Variants in KPNA3 observed in about 807,000 individuals in gnomAD.
The protein encoded by KPNA3 is karyopherin subunit alpha 3.
Under a neutral mutation model 73.8 loss-of-function variants are expected in KPNA3, and 13 were observed. The observed-to-expected ratio is 0.18, with a 90% CI of 0.11 to 0.28. The LOEUF is 0.28. Ranked by LOEUF, KPNA3 falls within the 10% of genes least tolerant of loss-of-function variation. The pLI is 1.00. For missense variants in KPNA3, 360 were observed against 618.1 expected, an observed-to-expected ratio of 0.58 and a Z score of 4.43; for synonymous variants, 186 against 206.9, an observed-to-expected ratio of 0.90 and a Z score of 0.87.
intron 1 of KPNA3, among the ~76,000 whole-genome samples, chr13:49,758,347 G>A (rs373843451): frequency 1.3e-5 from 2 of 152,156 alleles, no homozygotes; most frequent in East Asian, 1.9e-4. Context: ...GAACCTAAAC[G>A]TGTATCCATT....
At chr13:49,723,022 C>A (rs1223637113) in intron 7 of KPNA3, among the ~76,000 whole-genome samples, 1 of 151,812 alleles carries the variant, frequency 6.6e-6, no homozygotes, top group East Asian at 1.9e-4. Context: ...ATACATTATA[C>A]CCATTTCCAG....
chr13:49,752,660 C>T (rs185038614), intron 1 of KPNA3, among the ~76,000 whole-genome samples: 5 of 151,962 alleles, frequency 3.3e-5, no homozygotes, highest in African/African-American at 1.2e-4. Flanking sequence ...ATCTTAAGAG[C>T]CAGTAAACAA....
At position 49,699,884 on chromosome 13, in the gene KPNA3, C is replaced by T. The variant is rs1173529448; in HGVS notation, c.*1916G>A. 1 of 152,458 alleles carries T rather than the reference C, an allele frequency of 6.6e-6. No homozygotes were observed. Among genetic ancestry groups the T allele is most frequent in the African/African-American group, 2.4e-5 (1 of 41,396 alleles). 9.4% of individuals were successfully genotyped at this position (152,458 alleles called of 1,614,324 possible). ...CACCACACAGTTTCAAAAATTTAGA[C>T]TATAGTGTCCGAACAGGATGCAGTT... On this transcript the variant is annotated 3_prime_UTR_variant, in exon 17 of 17. Transcript: ENST00000261667.
At chr13:49,734,419 C>A (rs368977993) in intron 2 of KPNA3, among the ~76,000 whole-genome samples, 1 of 152,126 alleles carries the variant, frequency 6.6e-6, no homozygotes, top group East Asian at 1.9e-4. Context: ...CTGCTTTATA[C>A]CAGAAGTTCC....
chr13:49,774,073 ATTTTT>A (rs11315833), intron 1 of KPNA3, among the ~76,000 whole-genome samples: 1 of 146,182 alleles, frequency 6.8e-6, no homozygotes, highest in African/African-American at 2.5e-5. Flanking sequence ...ACCCAGGCTA[ATTTTT>A]TTTTTTTTAA....
At chr13:49,779,353 T>C (rs143220873) in intron 1 of KPNA3, among the ~76,000 whole-genome samples, 166 of 152,308 alleles carry the variant, frequency 1.1e-3, no homozygotes, top group African/African-American at 3.9e-3. Context: ...TTCTCTATAG[T>C]TAACGTTGTC....
intron 1 of KPNA3, among the ~76,000 whole-genome samples, chr13:49,760,422 A>C (rs1417754570): frequency 2.0e-5 from 3 of 151,900 alleles, no homozygotes; most frequent in South Asian, 2.1e-4. Flanking sequence ...CTCAAAAAAA[A>C]AAAAAAAAAA....
At chr13:49,737,861 T>C (rs1485563590) in intron 2 of KPNA3, among the ~76,000 whole-genome samples, 1 of 152,230 alleles carries the variant, frequency 6.6e-6, no homozygotes, top group Non-Finnish European at 1.5e-5. Flanking sequence ...TTTCTTCCAA[T>C]ATCTAACTTG....
chr13:49,766,746 A>G (rs1465505351), intron 1 of KPNA3, among the ~76,000 whole-genome samples: 1 of 152,168 alleles, frequency 6.6e-6, no homozygotes, highest in Non-Finnish European at 1.5e-5. Context: ...TACAGATTAA[A>G]AAAATATAGC....
At chr13:49,741,435 T>A (rs1954572770) in intron 2 of KPNA3, among the ~76,000 whole-genome samples, 1 of 152,014 alleles carries the variant, frequency 6.6e-6, no homozygotes. Context: ...GTTTTGAGAA[T>A]GTTTATTCTG....
intron 1 of KPNA3, among the ~76,000 whole-genome samples, chr13:49,747,270 G>A (rs1954624560): frequency 6.6e-6 from 1 of 152,114 alleles, no homozygotes; most frequent in African/African-American, 2.4e-5. Context: ...GCTTGAACCC[G>A]GGAGGCGGGG....
chr13:49,736,830 T>C (rs548901852), intron 2 of KPNA3, among the ~76,000 whole-genome samples: 5 of 152,284 alleles, frequency 3.3e-5, no homozygotes, highest in African/African-American at 1.2e-4. Flanking sequence ...ATCAACTCCT[T>C]CTCATCTGAC....
In KPNA3 at chr13:49,719,809, G is replaced by A; in HGVS notation, c.737C>T (p.Ala246Val). ...TGTATGGTATATGAGGACACATAAA[G>A]CTGGCAAAATCTGAGGAAAGAAAAT... ...PMETVQEILPALCVLIYHTDI... is the reference protein window; with the variant it reads ...PMETVQEILPVLCVLIYHTDI... The change falls in exon 10 of 17, where the codon GCT (alanine) becomes GTT (valine). Residue 246 changes from alanine (A) to valine (V), a missense_variant. Coordinates refer to ENST00000261667, the MANE Select transcript of KPNA3 (RefSeq NM_002267.4). 6.3e-7 allele frequency: 1 copy of A among 1,592,336 alleles called. No homozygotes were observed.
chr13:49,749,311 A>G (rs1189328406), intron 1 of KPNA3, among the ~76,000 whole-genome samples: 1 of 152,244 alleles, frequency 6.6e-6, no homozygotes. Flanking sequence ...TCGAATATGA[A>G]CATCTCAATT....
intron 1 of KPNA3, among the ~76,000 whole-genome samples, chr13:49,758,524 C>G (rs1954730771): frequency 6.6e-6 from 1 of 151,910 alleles, no homozygotes; most frequent in African/African-American, 2.4e-5. Flanking sequence ...TGTTATGTGT[C>G]TATGTGGAAT....
Position 49,711,020 on chromosome 13 carries a change from A to AATGTTTAT in KPNA3, c.773_774insATAAACAT (p.Leu259Ter). ...ACAGAGCCCAAACAGTGTCTACAAG[A>AATGTTTAT]ATCTACAGGAAACACAAAAGAAAAA... On this transcript the variant is annotated stop_gained and frameshift_variant and splice_region_variant, in exon 11 of 17. Transcript: ENST00000261667. LOFTEE classifies it high-confidence loss of function. The AATGTTTAT allele has an allele frequency of 6.3e-7, 1 of 1,598,810 alleles. No homozygotes were observed. Among genetic ancestry groups the AATGTTTAT allele is most frequent in the Non-Finnish European group, 8.5e-7 (1 of 1,175,948 alleles).
chr13:49,774,071 T>TA (rs1376739673), intron 1 of KPNA3, among the ~76,000 whole-genome samples: 1 of 145,474 alleles, frequency 6.9e-6, no homozygotes, highest in Non-Finnish European at 1.5e-5. Context: ...AAACCCAGGC[T>TA]AATTTTTTTT....
intron 1 of KPNA3, among the ~76,000 whole-genome samples, chr13:49,791,325 T>C (rs1189944137): frequency 6.6e-6 from 1 of 152,192 alleles, no homozygotes; most frequent in Non-Finnish European, 1.5e-5. Flanking sequence ...GCTGCGGCCT[T>C]AAAACCATTT....
In KPNA3 at chr13:49,699,335, T is replaced by C. The variant is rs1954126842; in HGVS notation, c.*2465A>G. The C allele has an allele frequency of 6.5e-6, 1 of 152,672 alleles. No homozygotes were observed. The highest frequency in any genetic ancestry group is 6.5e-5 in the Admixed American group (1 of 15,280). The allele number at this position is 152,672 out of a possible 1,614,324, so 9.5% of individuals were successfully genotyped here. A position where few individuals can be genotyped will look rare whatever the true frequency, so the allele number is the denominator to read the frequency against. On this transcript the variant is annotated 3_prime_UTR_variant, in exon 17 of 17. Coordinates refer to ENST00000261667, the MANE Select transcript of KPNA3 (RefSeq NM_002267.4). ...GTTTTCAATGTTTTATCATATTTGA[T>C]AGCAGCTTTTTTTATTGGTTACAAA...
Sources: allele counts gnomAD v4.1 joint callset (sites outside exome capture counted in the v4.1 genomes callset), GRCh38; gene constraint gnomAD v4.1.1; transcripts MANE v1.5; gene names NCBI Gene and HGNC (gene_info 2026-07-23, HGNC 2026-07-21).